Variants in ARSK observed in about 807,000 individuals in gnomAD.
ARSK encodes the protein arylsulfatase family member K, also known as arylsulfatase K.
ARSK carries 37 observed loss-of-function variants against 53.2 expected under a neutral mutation model. The ratio of observed to expected loss-of-function variants is 0.70; its 90% CI spans 0.54 to 0.92. ARSK has a LOEUF of 0.92. Among genes scored for constraint, ARSK ranks in the 40% least tolerant of loss-of-function variants. ARSK has a pLI of 0.00. For missense variants in ARSK, 613 were observed against 643.0 expected (o/e 0.95, Z 0.51); for synonymous variants, 208 against 223.2 (o/e 0.93, Z 0.61).
At chr5:95,565,560 T>G (rs140387620) in intron 1 of ARSK, among the ~76,000 whole-genome samples, 2 of 152,298 alleles carry the variant, frequency 1.3e-5, no homozygotes, top group East Asian at 3.9e-4. Context: ...TATCTCGGAT[T>G]TTTTTCAAAG....
intron 2 of ARSK, among the ~76,000 whole-genome samples, chr5:95,566,827 A>T (rs1748733534): frequency 6.6e-6 from 1 of 152,004 alleles, no homozygotes; most frequent in African/African-American, 2.4e-5. Flanking sequence ...GCACTCAGTG[A>T]TTTGGTTTGT....
chr5:95,589,896 C>T (rs1396851695), intron 5 of ARSK, among the ~76,000 whole-genome samples: 1 of 152,224 alleles, frequency 6.6e-6, no homozygotes, highest in Non-Finnish European at 1.5e-5. Context: ...TTCCCACCAA[C>T]AGTGTAAAAG....
intron 7 of ARSK, among the ~76,000 whole-genome samples, chr5:95,601,406 C>T (rs565910235): frequency 1.3e-5 from 2 of 152,324 alleles, no homozygotes; most frequent in South Asian, 4.1e-4. Context: ...TAACACCTAT[C>T]TTATGAAGCC....
chr5:95,571,495 T>C (rs770300869), intron 3 of ARSK, among the ~76,000 whole-genome samples: 10 of 152,240 alleles, frequency 6.6e-5, no homozygotes, highest in Non-Finnish European at 1.2e-4. Flanking sequence ...ATATCACTTG[T>C]TCATTAGTAT....
In ARSK at chr5:95,603,230, C is replaced by A; in HGVS notation, c.1322-7C>A. ...ATTTTGACAGATACTTATTTTTTTT[C>A]TTTCAGATCTTTCCTCGGATCCAGA... On this transcript the variant is annotated splice_region_variant and splice_polypyrimidine_tract_variant and intron_variant, in intron 7 of 7. Coordinates refer to ENST00000380009, the MANE Select transcript of ARSK (RefSeq NM_198150.3). The A allele has an allele frequency of 6.6e-7, 1 of 1,525,118 alleles. No homozygotes were observed. The highest frequency in any genetic ancestry group is 8.8e-7 in the Non-Finnish European group (1 of 1,139,714). 94.5% of individuals were successfully genotyped at this position (1,525,118 alleles called of 1,614,324 possible). A position where few individuals can be genotyped will look rare whatever the true frequency, so the allele number is the denominator to read the frequency against.
chr5:95,587,141 A>C (rs1189451029), intron 5 of ARSK, among the ~76,000 whole-genome samples: 2 of 152,196 alleles, frequency 1.3e-5, no homozygotes, highest in Non-Finnish European at 2.9e-5. Context: ...TATAATAACC[A>C]TGAAACAAAT....
chr5:95,586,879 G>A (rs373428854), intron 5 of ARSK, 146 bp downstream of exon 5: 11 of 589,198 alleles, frequency 1.9e-5, no homozygotes, highest in African/African-American at 1.2e-4. Context: ...GATAACTTGC[G>A]TTATTGATAG....
intron 3 of ARSK, among the ~76,000 whole-genome samples, chr5:95,575,158 G>A (rs1282367484): frequency 6.6e-6 from 1 of 152,120 alleles, no homozygotes; most frequent in African/African-American, 2.4e-5. Flanking sequence ...CACTGTAGGT[G>A]TATGGAGTTG....
chr5:95,577,827 T>C (rs1347260960), intron 3 of ARSK, among the ~76,000 whole-genome samples: 1 of 152,186 alleles, frequency 6.6e-6, no homozygotes, highest in Non-Finnish European at 1.5e-5. Flanking sequence ...GTAATATTAC[T>C]GTTTAATAGA....
At chr5:95,564,547 CT>C (rs1387219078) in intron 1 of ARSK, among the ~76,000 whole-genome samples, 1 of 152,184 alleles carries the variant, frequency 6.6e-6, no homozygotes, top group Non-Finnish European at 1.5e-5. Flanking sequence ...TGCTGCCTCA[CT>C]TTCCTGCCTC....
chr5:95,579,396 A>G (rs1042707735), intron 3 of ARSK, among the ~76,000 whole-genome samples: 50 of 152,214 alleles, frequency 3.3e-4, no homozygotes, highest in Non-Finnish European at 1.5e-4. Context: ...CACATCTTAC[A>G]TGGCAGCAGG....
chr5:95,575,901 T>C (rs527986545), intron 3 of ARSK, among the ~76,000 whole-genome samples: 1 of 152,312 alleles, frequency 6.6e-6, no homozygotes, highest in East Asian at 1.9e-4. Flanking sequence ...TCTTATTAGC[T>C]AGGACTTCCA....
intron 2 of ARSK, among the ~76,000 whole-genome samples, chr5:95,566,391 T>C (rs1432829853): frequency 6.6e-6 from 1 of 152,186 alleles, no homozygotes; most frequent in Non-Finnish European, 1.5e-5. Context: ...GGACTAAGAA[T>C]CTTTTGGCCA....
chr5:95,602,638 T>G (rs1408165290), intron 7 of ARSK, among the ~76,000 whole-genome samples: 1 of 152,224 alleles, frequency 6.6e-6, no homozygotes, highest in Non-Finnish European at 1.5e-5. Flanking sequence ...TCCCATACCA[T>G]ATCTAAAAAG....
chr5:95,568,697 G>A (rs1748772764), intron 3 of ARSK, among the ~76,000 whole-genome samples: 1 of 152,172 alleles, frequency 6.6e-6, no homozygotes, highest in Non-Finnish European at 1.5e-5. Flanking sequence ...GGCCTGCTTG[G>A]AAGGTTGGCC....
intron 1 of ARSK, among the ~76,000 whole-genome samples, chr5:95,557,864 A>G (rs192716053): frequency 4.6e-5 from 7 of 152,378 alleles, no homozygotes; most frequent in South Asian, 2.1e-4. Flanking sequence ...CATAAAAACT[A>G]TTAAATATTT....
chr5:95,561,960 A>G (rs1748643321), intron 1 of ARSK, among the ~76,000 whole-genome samples: 1 of 152,218 alleles, frequency 6.6e-6, no homozygotes, highest in African/African-American at 2.4e-5. Flanking sequence ...CACACCTGTA[A>G]TACCAGCACT....
At chr5:95,576,589 GT>G (rs1748928166) in intron 3 of ARSK, among the ~76,000 whole-genome samples, 1 of 151,622 alleles carries the variant, frequency 6.6e-6, no homozygotes, top group African/African-American at 2.4e-5. Flanking sequence ...TTTTCATTAA[GT>G]TTTTTGGATT....
intron 3 of ARSK, among the ~76,000 whole-genome samples, chr5:95,568,608 C>A (rs759587026): frequency 4.6e-5 from 7 of 152,122 alleles, no homozygotes; most frequent in Non-Finnish European, 1.5e-5. Flanking sequence ...ACTTTAATTT[C>A]TTTGCTGTGA....
Sources: gnomAD v4.1 joint callset for allele counts (sites outside exome capture counted in the v4.1 genomes callset) on GRCh38, gnomAD v4.1.1 for gene constraint, MANE v1.5 for transcripts, NCBI Gene and HGNC (gene_info 2026-07-23, HGNC 2026-07-21) for gene names.